Variants in CADM2 observed in about 807,000 individuals in gnomAD.
CADM2 encodes the protein immunoglobulin superfamily member 4D.
In CADM2, 12 loss-of-function variants were observed where a neutral mutation model predicts 49.8. The ratio of observed to expected loss-of-function variants is 0.24; its 90% confidence interval spans 0.15 to 0.39. The LOEUF (loss-of-function observed/expected upper bound fraction) is 0.39, where lower values mean the gene tolerates loss of function less well. CADM2 is among the 10% of genes least tolerant of loss of function. The probability of loss-of-function intolerance (pLI) is 1.00; values close to 1 mark genes in which losing one functional copy is unlikely to be tolerated. For synonymous variants in CADM2, 214 were observed against 175.4 expected (o/e 1.22, Z -1.74); for missense variants, 378 against 492.3 (o/e 0.77, Z 2.20).
chr3:85,784,612 T>C (rs2070869380), intron 2 of CADM2, among the ~76,000 whole-genome samples: 1 of 152,116 alleles, frequency 6.6e-6, no homozygotes, highest in Non-Finnish European at 1.5e-5. Context: ...TTAAAGCATA[T>C]GAGACTAGCA....
chr3:85,747,750 CATT>C (rs1314031210), intron 2 of CADM2, among the ~76,000 whole-genome samples: 7 of 152,166 alleles, frequency 4.6e-5, no homozygotes, highest in African/African-American at 1.4e-4. Context: ...TTTAGAATCT[CATT>C]AGTTTCATAA....
chr3:85,269,378 T>C (rs965481292), intron 1 of CADM2, among the ~76,000 whole-genome samples: 16 of 151,464 alleles, frequency 1.1e-4, no homozygotes, highest in African/African-American at 3.1e-4. Context: ...GTATGTACTA[T>C]AAAAATTTTC....
rs1037969384 is a variant in CADM2, at chr3:86,071,637, A to G, written c.*4854A>G. On this transcript the variant is annotated 3_prime_UTR_variant, in exon 10 of 10. Transcript: ENST00000383699. ...TTATTTACCAGATATCCCAGGAAGC[A>G]TTCTTATGGAACTATTATAACAGTG... The G allele has an allele frequency of 1.3e-5, 2 of 152,004 alleles. No individual in the cohort carries two copies. The highest frequency in any genetic ancestry group is 2.9e-5 in the Non-Finnish European group (2 of 67,874). The allele number at this position is 152,004 out of a possible 1,614,324, so 9.4% of individuals were successfully genotyped here.
chr3:85,321,114 A>ATTTTT (rs2044594332), intron 1 of CADM2, among the ~76,000 whole-genome samples: 1 of 34,164 alleles, frequency 2.9e-5, no homozygotes, highest in Non-Finnish European at 6.9e-5. Context: ...ATATATATAT[A>ATTTTT]TATTTTTTTT....
At chr3:85,730,284 A>G (rs2067872469) in intron 2 of CADM2, among the ~76,000 whole-genome samples, 1 of 151,948 alleles carries the variant, frequency 6.6e-6, no homozygotes, top group Non-Finnish European at 1.5e-5. Context: ...TCTACTAAAA[A>G]TACAAAAAAT....
At chr3:85,447,040 T>G (rs1337994278) in intron 1 of CADM2, among the ~76,000 whole-genome samples, 2 of 139,774 alleles carry the variant, frequency 1.4e-5, no homozygotes, top group African/African-American at 5.2e-5. Context: ...ATGCTTAGTA[T>G]ATATTGAAAT....
chr3:85,476,308 A>G lies in CADM2; in HGVS notation c.62-250214A>G, dbSNP rs986440088. Among the ~76,000 whole-genome samples, 7 of 151,980 alleles carry G rather than the reference A, an allele frequency of 4.6e-5. No individual in the cohort carries two copies. The South Asian group carries it at 6.2e-4, about 13-fold the overall frequency. On this transcript the variant is annotated intron_variant, in intron 1 of 9. Transcript: ENST00000383699. ...CACAATTTGAACTTGTCTTCTGGCC[A>G]TAGAGTTGCATATAAATACCTTCCC... is the stretch of plus-strand genomic sequence containing the variant.
At chr3:85,082,651 A>G (rs562055234) in intron 1 of CADM2, among the ~76,000 whole-genome samples, 18 of 152,234 alleles carry the variant, frequency 1.2e-4, no homozygotes, top group Non-Finnish European at 2.1e-4. Flanking sequence ...ATACATAACA[A>G]TGAAGGTATT....
At chr3:85,311,291 A>G (rs1287370983) in intron 1 of CADM2, among the ~76,000 whole-genome samples, 1 of 151,816 alleles carries the variant, frequency 6.6e-6, no homozygotes, top group Non-Finnish European at 1.5e-5. Context: ...CTACATAAAA[A>G]CTGAAATAAT....
intron 1 of CADM2, among the ~76,000 whole-genome samples, chr3:85,343,220 CT>C (rs1325367150): frequency 6.6e-5 from 10 of 152,128 alleles, no homozygotes; most frequent in African/African-American, 2.4e-4. Flanking sequence ...TAGAGAAAAC[CT>C]GTACATGATG....
chr3:85,308,371 A>G (rs900932694), intron 1 of CADM2, among the ~76,000 whole-genome samples: 20 of 151,140 alleles, frequency 1.3e-4, no homozygotes, highest in African/African-American at 4.6e-4. Flanking sequence ...TATAAATCCT[A>G]TATTTACCCC....
chr3:85,386,391 G>A (rs2034234442), intron 1 of CADM2, among the ~76,000 whole-genome samples: 1 of 152,088 alleles, frequency 6.6e-6, no homozygotes, highest in African/African-American at 2.4e-5. Flanking sequence ...AATTGGGTGG[G>A]GAGAACAACT....
chr3:84,974,368 A>G (rs528236858), intron 1 of CADM2, among the ~76,000 whole-genome samples: 1 of 152,154 alleles, frequency 6.6e-6, no homozygotes, highest in South Asian at 2.1e-4. Context: ...CTTACCCATT[A>G]ACTTTAATTT....
chr3:85,102,258 C>G (rs1442601112), intron 1 of CADM2, among the ~76,000 whole-genome samples: 1 of 152,028 alleles, frequency 6.6e-6, no homozygotes, highest in Non-Finnish European at 1.5e-5. Context: ...TTAGGCTATT[C>G]ATTAATCAAT....
At chr3:85,936,100 G>C (rs756605505) in intron 7 of CADM2, among the ~76,000 whole-genome samples, 1 of 151,418 alleles carries the variant, frequency 6.6e-6, no homozygotes. Context: ...ATTTTTTCCA[G>C]TAAGATATTT....
intron 1 of CADM2, among the ~76,000 whole-genome samples, chr3:85,422,694 G>A (rs1212781301): frequency 6.6e-6 from 1 of 152,126 alleles, no homozygotes; most frequent in African/African-American, 2.4e-5. Context: ...TAGAGGTCAT[G>A]TTGAAACGGG....
intron 1 of CADM2, among the ~76,000 whole-genome samples, chr3:85,309,631 A>T (rs2044295867): frequency 1.3e-5 from 2 of 152,154 alleles, no homozygotes; most frequent in Non-Finnish European, 2.9e-5. Flanking sequence ...AACAATGTAC[A>T]ACACTTAACA....
chr3:86,019,928 G>A (rs1408990149), intron 8 of CADM2, among the ~76,000 whole-genome samples: 3 of 151,956 alleles, frequency 2.0e-5, no homozygotes, highest in East Asian at 3.9e-4. Context: ...ACAATTAAAA[G>A]AACTAGAAAA....
intron 1 of CADM2, among the ~76,000 whole-genome samples, chr3:85,479,993 T>C (rs1478820930): frequency 1.3e-5 from 2 of 151,868 alleles, no homozygotes; most frequent in Non-Finnish European, 2.9e-5. Context: ...AGTTTATGTA[T>C]TTTATACTAT....
Sources: allele counts gnomAD v4.1 joint callset (sites outside exome capture counted in the v4.1 genomes callset), GRCh38; gene constraint gnomAD v4.1.1; transcripts MANE v1.5; gene names NCBI Gene and HGNC (gene_info 2026-07-23, HGNC 2026-07-21).